Variants in BCL2L12 observed in about 807,000 individuals in gnomAD.
BCL2L12 encodes the protein BCL2 like 12, also known as bcl-2-like protein 12.
Under a neutral mutation model 25.7 loss-of-function variants are expected in BCL2L12, and 27 were observed. The observed-to-expected ratio is 1.05, with a 90% CI of 0.78 to 1.45. BCL2L12 has a LOEUF of 1.45. Among genes scored for constraint, BCL2L12 ranks in the 40% most tolerant of loss-of-function variants. The pLI is 0.00. For synonymous variants in BCL2L12, 132 were observed against 145.6 expected, an observed-to-expected ratio of 0.91 and a Z score of 0.67; for missense variants, 302 against 329.8, an observed-to-expected ratio of 0.92 and a Z score of 0.65.
chr19:49,667,279 A>G (rs941426503), intron 3 of BCL2L12, 118 bp downstream of exon 3: 1 of 1,395,954 alleles, frequency 7.2e-7, no homozygotes, highest in Admixed American at 2.1e-5. Context: ...TTCAGGACAG[A>G]ACCGTCCTGT....
intron 2 of BCL2L12, 84 bp from the exon 3 acceptor site, chr19:49,666,935 C>A: frequency 6.4e-7 from 1 of 1,552,848 alleles, no homozygotes; most frequent in African/African-American, 1.4e-5. Flanking sequence ...GAGAGGTCCT[C>A]AGCGGGGGAG....
At chr19:49,669,242 A>G (rs2122841408) in intron 5 of BCL2L12, 127 bp downstream of exon 5, 1 of 1,485,328 alleles carries the variant, frequency 6.7e-7, no homozygotes, top group Non-Finnish European at 9.0e-7. Flanking sequence ...CAAGGTTTCA[A>G]TGAAGGGTTG....
Position 49,672,498 on chromosome 19 carries a change from C to A in BCL2L12, c.703-1200C>A. Among the ~76,000 whole-genome samples the A allele has an allele frequency of 6.6e-6, 1 of 152,206 alleles. No homozygotes were observed. The highest frequency in any genetic ancestry group is 2.4e-5 in the African/African-American group (1 of 41,454). ...GGAGGGACAGGCGCTGATTTAGGCG[C>A]TAATGGGCGCCCTCTGGCGGCTGCC... On this transcript the variant is annotated intron_variant, in intron 6 of 6. Coordinates refer to ENST00000246784, the MANE Select transcript of BCL2L12 (RefSeq NM_138639.2). This position sits in a 1 kb window ranked among gnomAD's most constrained non-coding sequence, Gnocchi z 4.1.
rs368338159 is a variant in BCL2L12 at position 49,667,106 on chromosome 19, T to C, written c.195T>C (p.Ser65=). 6.2e-7 allele frequency: 1 copy of C among 1,614,056 alleles called. No individual in the cohort carries two copies. Among genetic ancestry groups the C allele is most frequent in the African/African-American group, 1.3e-5 (1 of 75,026 alleles). ...PCSLGRGAAP[S]ESPRPCSLPI... ...CCCTGGGGCGAGGAGCAGCCCCCTC[T>C]GAGTCCCCTCGGCCTTGCTCTCTGC... Residue 65 remains serine (S), a synonymous_variant, in exon 3 of 7, where the codon TCT becomes TCC. Transcript: ENST00000246784.
At chr19:49,670,179 C>G in intron 5 of BCL2L12, 37 bp from the exon 6 acceptor site, 1 of 1,584,750 alleles carries the variant, frequency 6.3e-7, no homozygotes, top group Non-Finnish European at 8.5e-7. Flanking sequence ...GCCCCGGGGG[C>G]GCTGCTGACG....
At position 49,673,869 on chromosome 19, in the gene BCL2L12, C is replaced by A; in HGVS notation, c.*121C>A. On this transcript the variant is annotated 3_prime_UTR_variant, in exon 7 of 7. Transcript: ENST00000246784. ...TGGTGGTTGCCCTACCTGTTTTTGCCAAAAATAAATTGTTTAAAACTTTTC... is the reference window on the plus strand; with the variant it reads ...TGGTGGTTGCCCTACCTGTTTTTGCAAAAAATAAATTGTTTAAAACTTTTC... The A allele has an allele frequency of 8.9e-7, 1 of 1,125,418 alleles. No homozygotes were observed. The highest frequency in any genetic ancestry group is 1.5e-5 in the South Asian group (1 of 65,594). 69.7% of individuals were successfully genotyped at this position (1,125,418 alleles called of 1,614,324 possible). A position where few individuals can be genotyped will look rare whatever the true frequency, so the allele number is the denominator to read the frequency against.
chr19:49,670,230 C>CGCCCT lies in BCL2L12; in HGVS notation c.447_451dup (p.Arg151ProfsTer50). On this transcript the variant is annotated frameshift_variant, in exon 6 of 7. Transcript: ENST00000246784. LOFTEE classifies it high-confidence loss of function. Reference sequence around the variant, plus strand: ...CCACCCTACAGCTGGCCTCGGACCCCGCCCTGCGCAGCAAGCTGGTCCGCC... The same window carrying CGCCCT: ...CCACCCTACAGCTGGCCTCGGACCCCGCCCTGCCCTGCGCAGCAAGCTGGTCCGCC... 1 of 1,606,882 alleles carries CGCCCT rather than the reference C, an allele frequency of 6.2e-7. No homozygotes were observed. Among genetic ancestry groups the CGCCCT allele is most frequent in the Non-Finnish European group, 8.5e-7 (1 of 1,179,468 alleles).
At position 49,667,045 on chromosome 19, in the gene BCL2L12, A is replaced by C; in HGVS notation, c.134A>C (p.Asp45Ala). The change falls in exon 3 of 7, where the codon GAC becomes GCC. Residue 45 changes from aspartate (D) to alanine (A), a missense_variant. Asp to Ala is a moderately radical substitution (Grantham distance 126). Transcript: ENST00000246784. Reference sequence around the variant, plus strand: ...AGCCCTGCCCAAGAAGAGCCAACAGACTTCCTGAGCCGCCTTCGAAGATGT... The same window carrying C: ...AGCCCTGCCCAAGAAGAGCCAACAGCCTTCCTGAGCCGCCTTCGAAGATGT... ...PRSPAQEEPT[D>A]FLSRLRRCLP... 6.2e-7 allele frequency: 1 copy of C among 1,613,444 alleles called. No individual in the cohort carries two copies. Among genetic ancestry groups the C allele is most frequent in the Non-Finnish European group, 8.5e-7 (1 of 1,179,868 alleles).
Position 49,670,492 on chromosome 19 carries a change from A to T in BCL2L12, c.702+4A>T. On this transcript the variant is annotated splice_donor_region_variant and intron_variant, in intron 6 of 6. Transcript: ENST00000246784. ...GATCCAGGCCCACGGGGGCTGGGTGAGCCGCTGAAGCCTCTCTCTCCGGGC... is the reference window on the plus strand; with the variant it reads ...GATCCAGGCCCACGGGGGCTGGGTGTGCCGCTGAAGCCTCTCTCTCCGGGC... 6.5e-7 allele frequency: 1 copy of T among 1,536,700 alleles called. No individual in the cohort carries two copies. Among genetic ancestry groups the T allele is most frequent in the Non-Finnish European group, 8.7e-7 (1 of 1,143,994 alleles).
chr19:49,665,988 T>C lies in BCL2L12; in HGVS notation c.-88T>C, dbSNP rs1009012618. 4.7e-5 allele frequency: 75 copies of C among 1,608,596 alleles called. No individual in the cohort carries two copies. Among genetic ancestry groups the C allele is most frequent in the Non-Finnish European group, 6.2e-5 (73 of 1,177,180 alleles). On this transcript the variant is annotated 5_prime_UTR_variant, in exon 1 of 7. Transcript: ENST00000246784. ...GCCCAGTGCGCAGGCGCGGGAAAGTTGAACTAATAAAGTTTGTACGAGTTC... is the reference window on the plus strand; with the variant it reads ...GCCCAGTGCGCAGGCGCGGGAAAGTCGAACTAATAAAGTTTGTACGAGTTC...
chr19:49,670,600 C>CAA, intron 6 of BCL2L12, 112 bp downstream of exon 6: 1 of 1,392,448 alleles, frequency 7.2e-7, no homozygotes, highest in Non-Finnish European at 9.6e-7. Flanking sequence ...TCTCCCAGCT[C>CAA]CACTGCGTTC....
chr19:49,669,090 A>T lies in BCL2L12; in HGVS notation c.404A>T (p.Glu135Val). The T allele has an allele frequency of 6.2e-7, 1 of 1,614,098 alleles. No individual in the cohort carries two copies. The highest frequency in any genetic ancestry group is 8.5e-7 in the Non-Finnish European group (1 of 1,179,994). Reference protein sequence around the residue: ...ILRRLVALLEEEAEVINQKLA... With the variant: ...ILRRLVALLEVEAEVINQKLA... ...CGGAGGCTGGTGGCCCTGCTGGAGG[A>T]GGAGGCAGAAGTCATTAACCAGAAG... Residue 135 changes from glutamate to valine, a missense_variant, in exon 5 of 7, where the codon GAG becomes GTG. By Grantham distance (121) the Glu-to-Val change is moderately radical. Transcript: ENST00000246784.
At position 49,670,125 on chromosome 19, in the gene BCL2L12, G is replaced by T; in HGVS notation, c.430-91G>T. ...GGCCTAGAACCTTAGCATCTAGAAC[G>T]ATCCTGAACCGGGAAGCCACGCCTC... is the stretch of plus-strand genomic sequence containing the variant. On this transcript the variant is annotated intron_variant, in intron 5 of 6. Coordinates refer to ENST00000246784, the MANE Select transcript of BCL2L12 (RefSeq NM_138639.2). The T allele has an allele frequency of 2.0e-6, 3 of 1,485,292 alleles. No homozygotes were observed. In the East Asian group the frequency reaches 7.3e-5, roughly 36 times the overall value. 92.0% of individuals were successfully genotyped at this position (1,485,292 alleles called of 1,614,324 possible).
intron 6 of BCL2L12, among the ~76,000 whole-genome samples, chr19:49,670,997 A>G (rs984784554): frequency 1.3e-5 from 2 of 150,630 alleles, no homozygotes; most frequent in African/African-American, 4.9e-5. Flanking sequence ...TGTGTCTACT[A>G]AAAAAAATAC....
rs750708879 is a variant in BCL2L12, at chr19:49,668,934, C to T, written c.334C>T (p.Pro112Ser). 17 of 1,613,836 alleles carry T rather than the reference C, an allele frequency of 1.1e-5. No homozygotes were observed. Among genetic ancestry groups the T allele is most frequent in the Non-Finnish European group, 1.4e-5 (16 of 1,179,934 alleles). Residue 112 changes from proline to serine, a missense_variant, in exon 4 of 7, where the codon CCA becomes TCA. By Grantham distance (74) the Pro-to-Ser change is moderately conservative. Transcript: ENST00000246784. ...AGAGCAGCTGAAATCTCCGCCCAGC[C>T]CAGGTGAGGCACAGAGGAGCCCCAG... ...VQEQLKSPPS[P>S]ELQGPPSTEK...
upstream of BCL2L12, chr19:49,665,841 G>A (rs145762717): frequency 1.5e-5 from 24 of 1,598,286 alleles, no homozygotes; most frequent in African/African-American, 5.3e-5. Context: ...GGCCCGCTGG[G>A]CTGTTCCCGC....
At chr19:49,666,914 G>C (rs948826695) in intron 2 of BCL2L12, 105 bp from the exon 3 acceptor site, 2 of 1,529,918 alleles carry the variant, frequency 1.3e-6, no homozygotes, top group African/African-American at 1.4e-5. Context: ...CTCTGTCTTT[G>C]GGGTTTTGGA....
intron 5 of BCL2L12, among the ~76,000 whole-genome samples, chr19:49,669,723 G>T (rs1035205030): frequency 2.0e-5 from 3 of 151,902 alleles, no homozygotes; most frequent in African/African-American, 7.3e-5. Context: ...ATGTGGGGGT[G>T]GGGGGAGTGG....
Position 49,670,403 on chromosome 19 carries a change from T to C in BCL2L12, c.617T>C (p.Val206Ala). The part of the protein sequence containing the change: ...LALAMELSRR[V>A]AGLGGTLAGL... ...CTAGCCATGGAGCTGAGCCGGCGCG[T>C]GGCCGGGCTGGGGGGCACCCTGGCC... The change falls in exon 6 of 7, where the codon GTG (valine) becomes GCG (alanine). Residue 206 changes from valine (V) to alanine (A), a missense_variant. Physicochemically the swap from Val to Ala is moderately conservative, Grantham distance 64 (BLOSUM62 0). Coordinates refer to ENST00000246784, the MANE Select transcript of BCL2L12 (RefSeq NM_138639.2). The C allele has an allele frequency of 6.5e-7, 1 of 1,547,852 alleles. No homozygotes were observed. The highest frequency in any genetic ancestry group is 8.7e-7 in the Non-Finnish European group (1 of 1,150,282).
Sources: allele counts gnomAD v4.1 joint callset (sites outside exome capture counted in the v4.1 genomes callset), GRCh38; gene constraint gnomAD v4.1.1; non-coding constraint Gnocchi (gnomAD v3.1); transcripts MANE v1.5; gene names NCBI Gene and HGNC (gene_info 2026-07-23, HGNC 2026-07-21).